CNIH3: variants seen among roughly 807,000 people sequenced by gnomAD.
CNIH3 encodes the protein cornichon family AMPA receptor auxiliary protein 3.
CNIH3 carries 14 observed loss-of-function variants against 24.1 expected under a neutral mutation model. The observed-to-expected ratio is 0.58, with a 90% confidence interval of 0.38 to 0.91. The LOEUF is 0.91. CNIH3 is among the 40% of genes least tolerant of loss of function. The pLI is 0.00. For missense variants in CNIH3, 178 were observed against 196.8 expected (o/e 0.90, Z 0.57); for synonymous variants, 68 against 73.8 (o/e 0.92, Z 0.40).
chr1:224,635,282 AG>A (rs1167713175), intron 1 of CNIH3, among the ~76,000 whole-genome samples: 1 of 152,150 alleles, frequency 6.6e-6, no homozygotes, highest in Non-Finnish European at 1.5e-5. Context: ...ACCTCCCACC[AG>A]GCCCCTCCCA....
rs567628123 is a variant in CNIH3, at chr1:224,704,753, A to G, written c.198+19910A>G. ...ACCTAGTCATAGTCACATTTCCCCT[A>G]GTTTCCCTATAGTATTCTTTATAGT... is the stretch of plus-strand genomic sequence containing the variant. On this transcript the variant is annotated intron_variant, in intron 3 of 5. Transcript: ENST00000272133. This position sits in a 1 kb window ranked among gnomAD's most constrained non-coding sequence, Gnocchi z 4.2. 6.6e-6 allele frequency among the ~76,000 whole-genome samples: 1 copy of G among 152,278 alleles called. No individual in the cohort carries two copies. Among genetic ancestry groups the G allele is most frequent in the East Asian group, 1.9e-4 (1 of 5,188 alleles).
chr1:224,738,093 G>A (rs1182481079), intron 5 of CNIH3, among the ~76,000 whole-genome samples: 1 of 152,134 alleles, frequency 6.6e-6, no homozygotes, highest in Non-Finnish European at 1.5e-5. Context: ...GACCATGTTG[G>A]TTTCATTCAC....
downstream of CNIH3, among the ~76,000 whole-genome samples, chr1:224,593,554 G>T (rs873832): frequency 0.022 from 3,316 of 152,202 alleles, 111 homozygotes; most frequent in African/African-American, 0.074. Context: ...TGTTGACATT[G>T]AATGTTCTTA....
chr1:224,458,249 C>A lies in CNIH3; in HGVS notation n.203+23387C>A, dbSNP rs1435485008. 6.6e-6 allele frequency among the ~76,000 whole-genome samples: 1 copy of A among 152,136 alleles called. No homozygotes were observed. Among genetic ancestry groups the A allele is most frequent in the Non-Finnish European group, 1.5e-5 (1 of 68,020 alleles). ...TCTGGGGCATCGTGTGGCTAGGGTG[C>A]CAAAGCCGAGAAAGGTCCCGTAGTC... On this transcript the variant is annotated intron_variant and non_coding_transcript_variant, in intron 1 of 5. Coordinates refer to the CNIH3 transcript ENST00000471578. This position sits in a 1 kb window ranked among gnomAD's most constrained non-coding sequence, Gnocchi z 4.3.
chr1:224,481,929 G>A (rs1676830417), intron 1 of CNIH3, among the ~76,000 whole-genome samples: 1 of 152,196 alleles, frequency 6.6e-6, no homozygotes, highest in South Asian at 2.1e-4. Flanking sequence ...ATTCTACTGT[G>A]GCTGAGCTGG....
rs1558350519 is a variant in CNIH3, at chr1:224,734,665, G to A, written c.414G>A (p.Lys138=). ...ACTGTCAGAAGGAGGCCTGGTGTAA[G>A]CTGGCCTTCTATCTCCTCTCCTTCT... ...LSYCQKEAWC[K]LAFYLLSFFY... Residue 138 remains lysine, a synonymous_variant, in exon 5 of 6, where the codon AAG becomes AAA. Transcript: ENST00000272133. The A allele has an allele frequency of 1.9e-6, 3 of 1,614,168 alleles. No individual in the cohort carries two copies. Among genetic ancestry groups the A allele is most frequent in the African/African-American group, 2.7e-5 (2 of 75,068 alleles).
chr1:224,725,102 C>T (rs543171544), intron 3 of CNIH3, among the ~76,000 whole-genome samples: 55 of 151,974 alleles, frequency 3.6e-4, no homozygotes, highest in Non-Finnish European at 6.6e-4. Flanking sequence ...ACCAGCTACT[C>T]GGGAGGCTGA....
At chr1:224,531,718 G>A (rs1206774897) in intron 2 of CNIH3, among the ~76,000 whole-genome samples, 1 of 152,214 alleles carries the variant, frequency 6.6e-6, no homozygotes, top group African/African-American at 2.4e-5. Context: ...TCACTGCACT[G>A]CGGAGAATAT....
chr1:224,502,693 A>T (rs906562118), intron 1 of CNIH3, among the ~76,000 whole-genome samples: 1 of 152,246 alleles, frequency 6.6e-6, no homozygotes, highest in Non-Finnish European at 1.5e-5. Context: ...CGAGTTCTAC[A>T]TAAACAATCA....
chr1:224,582,276 G>GT (rs1159931700), intron 4 of CNIH3, among the ~76,000 whole-genome samples: 1 of 152,154 alleles, frequency 6.6e-6, no homozygotes, highest in Non-Finnish European at 1.5e-5. Flanking sequence ...CAGATGGCCA[G>GT]TTCTTAAAGT....
intron 3 of CNIH3, among the ~76,000 whole-genome samples, chr1:224,701,950 A>G: frequency 6.6e-6 from 1 of 152,310 alleles, no homozygotes; most frequent in South Asian, 2.1e-4. Flanking sequence ...TGATATGAAG[A>G]AAATATTAAT....
At chr1:224,537,601 G>A (rs1679338872), downstream of CNIH3, 1 of 152,204 alleles carries the variant, frequency 6.6e-6, no homozygotes, top group Non-Finnish European at 1.5e-5. Context: ...CCAACCACCA[G>A]GGCACACATT....
intron 4 of CNIH3, among the ~76,000 whole-genome samples, chr1:224,580,643 A>G (rs527641177): frequency 6.6e-6 from 1 of 152,172 alleles, no homozygotes; most frequent in African/African-American, 2.4e-5. Flanking sequence ...CCTGGCTAAC[A>G]TGGTGAAACC....
intron 1 of CNIH3, among the ~76,000 whole-genome samples, chr1:224,459,620 G>A (rs1444031953): frequency 6.6e-6 from 1 of 152,122 alleles, no homozygotes; most frequent in East Asian, 1.9e-4. Context: ...GGGTGGGGGT[G>A]GAGTGAAGCT....
intron 1 of CNIH3, among the ~76,000 whole-genome samples, chr1:224,496,253 T>C (rs1170977188): frequency 6.6e-6 from 1 of 152,004 alleles, no homozygotes; most frequent in Non-Finnish European, 1.5e-5. Flanking sequence ...TCGAGGAGGG[T>C]CTAATTGATC....
At chr1:224,722,544 A>T (rs1254498940) in intron 3 of CNIH3, among the ~76,000 whole-genome samples, 1 of 152,142 alleles carries the variant, frequency 6.6e-6, no homozygotes, top group Non-Finnish European at 1.5e-5. Context: ...ACAAGATCCC[A>T]GGAGAAACTG....
At chr1:224,644,731 C>A (rs191075914) in intron 1 of CNIH3, among the ~76,000 whole-genome samples, 2 of 152,206 alleles carry the variant, frequency 1.3e-5, no homozygotes, top group Non-Finnish European at 2.9e-5. Context: ...AATGCTCAAC[C>A]GTTGCCACTA....
At chr1:224,666,518 G>A (rs1319232323) in intron 1 of CNIH3, among the ~76,000 whole-genome samples, 2 of 152,190 alleles carry the variant, frequency 1.3e-5, no homozygotes, top group Non-Finnish European at 2.9e-5. Context: ...TGGTTGGGGC[G>A]AGTTTTTCTG....
intron 3 of CNIH3, among the ~76,000 whole-genome samples, chr1:224,602,565 C>T (rs2125042758): frequency 6.6e-6 from 1 of 152,224 alleles, no homozygotes; most frequent in African/African-American, 2.4e-5. Context: ...TTTCCTTCAA[C>T]CCTCATAAGT....
Sources: allele counts gnomAD v4.1 joint callset (sites outside exome capture counted in the v4.1 genomes callset), GRCh38; gene constraint gnomAD v4.1.1; non-coding constraint Gnocchi (gnomAD v3.1); transcripts MANE v1.5; gene names NCBI Gene and HGNC (gene_info 2026-07-23, HGNC 2026-07-21).